Variants in CCDC148 observed in about 807,000 individuals in gnomAD.
CCDC148 encodes coiled-coil domain containing 148, also known as coiled-coil domain-containing protein 148.
A neutral mutation model predicts 85.7 loss-of-function variants in CCDC148; 89 were observed. The observed-to-expected ratio is 1.04, with a 90% CI of 0.87 to 1.24. The LOEUF is 1.24. CCDC148 is among the 50% of genes most tolerant of loss of function. The pLI is 0.00. For synonymous variants in CCDC148, 230 were observed against 213.9 expected, an observed-to-expected ratio of 1.08 and a Z score of -0.66; for missense variants, 692 against 671.7, an observed-to-expected ratio of 1.03 and a Z score of -0.33.
intron 2 of CCDC148, among the ~76,000 whole-genome samples, chr2:158,356,145 A>G (rs1201587651): frequency 6.2e-5 from 8 of 128,416 alleles, no homozygotes; most frequent in Non-Finnish European, 1.3e-4. Context: ...AAACCTAGGC[A>G]TTACCATTCA....
chr2:158,429,092 C>T (rs1687209091), intron 1 of CCDC148, among the ~76,000 whole-genome samples: 2 of 149,552 alleles, frequency 1.3e-5, no homozygotes, highest in Non-Finnish European at 3.0e-5. Flanking sequence ...ACAACGAGAA[C>T]ACTTGGACAC....
chr2:158,284,807 C>T (rs986549197), intron 9 of CCDC148, among the ~76,000 whole-genome samples: 23 of 151,922 alleles, frequency 1.5e-4, no homozygotes, highest in African/African-American at 4.8e-4. Context: ...CCAGAACCAG[C>T]GAAAACAAAA....
chr2:158,376,312 A>G (rs552466975), intron 1 of CCDC148, among the ~76,000 whole-genome samples: 1 of 152,202 alleles, frequency 6.6e-6, no homozygotes, highest in African/African-American at 2.4e-5. Context: ...AAATCCTCAG[A>G]AAGTTAAGTA....
intron 1 of CCDC148, among the ~76,000 whole-genome samples, chr2:158,427,576 G>A (rs67315459): frequency 0.17 from 25,308 of 151,936 alleles, 2,270 homozygotes; most frequent in Middle Eastern, 0.21. Flanking sequence ...CTATGGCAAG[G>A]AGGAAAGAGG....
intron 9 of CCDC148, among the ~76,000 whole-genome samples, chr2:158,287,490 T>G (rs1246509539): frequency 6.6e-6 from 1 of 151,964 alleles, no homozygotes; most frequent in African/African-American, 2.4e-5. Flanking sequence ...AATAGAGCCA[T>G]TTTAATGGGA....
chr2:158,291,692 A>G (rs1435543934), intron 9 of CCDC148, among the ~76,000 whole-genome samples: 1 of 152,108 alleles, frequency 6.6e-6, no homozygotes, highest in African/African-American at 2.4e-5. Context: ...ATAACAGCCA[A>G]ATGTTTATGT....
intron 12 of CCDC148, among the ~76,000 whole-genome samples, chr2:158,177,413 T>C (rs114874285): frequency 0.016 from 2,409 of 152,192 alleles, 80 homozygotes; most frequent in African/African-American, 0.054. Flanking sequence ...TTAAAGACTG[T>C]AATAAAATAA....
At chr2:158,339,918 G>A (rs1682589367) in intron 5 of CCDC148, among the ~76,000 whole-genome samples, 1 of 152,110 alleles carries the variant, frequency 6.6e-6, no homozygotes, top group Non-Finnish European at 1.5e-5. Context: ...AGCCCCTAGG[G>A]AATTTCAGCA....
intron 9 of CCDC148, among the ~76,000 whole-genome samples, chr2:158,267,610 T>A (rs372491473): frequency 6.6e-6 from 1 of 152,220 alleles, no homozygotes; most frequent in South Asian, 2.1e-4. Context: ...AGTAACTATG[T>A]CATTTTAACA....
intron 9 of CCDC148, among the ~76,000 whole-genome samples, chr2:158,290,776 A>G (rs948614174): frequency 2.0e-5 from 3 of 152,128 alleles, no homozygotes; most frequent in African/African-American, 7.2e-5. Context: ...TCTTTTCCAC[A>G]ATTTGATTCC....
At chr2:158,309,158 T>G (rs1691846736) in intron 9 of CCDC148, among the ~76,000 whole-genome samples, 2 of 152,226 alleles carry the variant, frequency 1.3e-5, no homozygotes, top group African/African-American at 4.8e-5. Flanking sequence ...CTCAGTCTGA[T>G]GTGCACATCT....
At chr2:158,362,438 C>G (rs573492480) in intron 1 of CCDC148, among the ~76,000 whole-genome samples, 1 of 152,260 alleles carries the variant, frequency 6.6e-6, no homozygotes, top group Admixed American at 6.5e-5. Flanking sequence ...CGCTCCTCAG[C>G]AAATGCAAAA....
chr2:158,438,121 C>G (rs1390597710), intron 1 of CCDC148, among the ~76,000 whole-genome samples: 1 of 152,082 alleles, frequency 6.6e-6, no homozygotes, highest in Non-Finnish European at 1.5e-5. Flanking sequence ...TTGGAAAAAA[C>G]TACGTTAAAG....
chr2:158,430,751 A>G (rs1049289760), intron 1 of CCDC148, among the ~76,000 whole-genome samples: 1 of 152,192 alleles, frequency 6.6e-6, no homozygotes, highest in Admixed American at 6.5e-5. Context: ...TGAATTTTAA[A>G]AAGCACAAAA....
rs115770456 is a variant in CCDC148, at chr2:158,293,915, A to G, written c.1110+15518T>C. Among the ~76,000 whole-genome samples the G allele has an allele frequency of 7.0e-3, 1,016 of 145,838 alleles. 7 individuals are homozygous for G. Among genetic ancestry groups the G allele is most frequent in the African/African-American group, 0.024 (941 of 39,136 alleles). On this transcript the variant is annotated intron_variant, in intron 9 of 13. Coordinates refer to ENST00000283233, the MANE Select transcript of CCDC148 (RefSeq NM_138803.4). ...AGAATGTGCAACTTCTGGAAAACCA[A>G]TGAGGGGCATGGATGTGCCTTCCTG... is the stretch of plus-strand genomic sequence containing the variant.
intron 13 of CCDC148, among the ~76,000 whole-genome samples, chr2:158,175,798 C>G (rs1470864125): frequency 1.3e-5 from 2 of 152,092 alleles, no homozygotes; most frequent in Admixed American, 1.3e-4. Flanking sequence ...TATTTAGCTT[C>G]TCTCCTTAGA....
At position 158,326,062 on chromosome 2, in the gene CCDC148, G is replaced by C. The variant is rs192641572; in HGVS notation, c.765-12168C>G. Among the ~76,000 whole-genome samples the C allele has an allele frequency of 4.2e-3, 632 of 152,168 alleles. 1 individual carries two copies. Among genetic ancestry groups the C allele is most frequent in the African/African-American group, 0.014 (595 of 41,542 alleles). ...GCTTCTCATATCACACAGAGTAAAA[G>C]CTGAAGTTTTAAAAATGGCTACAAG... On this transcript the variant is annotated intron_variant, in intron 7 of 13. Coordinates refer to ENST00000283233, the MANE Select transcript of CCDC148 (RefSeq NM_138803.4).
intron 11 of CCDC148, among the ~76,000 whole-genome samples, chr2:158,200,684 G>C (rs1370292619): frequency 6.6e-6 from 1 of 152,160 alleles, no homozygotes; most frequent in African/African-American, 2.4e-5. Flanking sequence ...CTGTCAGTTT[G>C]CCTCAGTATT....
chr2:158,251,428 G>A (rs1688789318), intron 9 of CCDC148, among the ~76,000 whole-genome samples: 1 of 151,800 alleles, frequency 6.6e-6, no homozygotes, highest in Non-Finnish European at 1.5e-5. Flanking sequence ...ATTGGCAGAA[G>A]TATACTTGCT....
Sources: allele counts gnomAD v4.1 joint callset (sites outside exome capture counted in the v4.1 genomes callset), GRCh38; gene constraint gnomAD v4.1.1; transcripts MANE v1.5; gene names NCBI Gene and HGNC (gene_info 2026-07-23, HGNC 2026-07-21).